AIDA: variants seen among roughly 807,000 people sequenced by gnomAD.
AIDA encodes axin interactor, dorsalization-associated protein.
A neutral mutation model predicts 42.7 loss-of-function variants in AIDA; 18 were observed. That is an observed-to-expected ratio of 0.42 (90% confidence interval 0.29 to 0.63). The LOEUF (loss-of-function observed/expected upper bound fraction) is 0.63. Among genes scored for constraint, AIDA ranks in the 20% least tolerant of loss-of-function variants. AIDA has a pLI of 0.19. For missense variants in AIDA, 250 were observed against 354.1 expected, an observed-to-expected ratio of 0.71 and a Z score of 2.36; for synonymous variants, 104 against 122.9, an observed-to-expected ratio of 0.85 and a Z score of 1.02.
chr1:222,703,591 T>C (rs368268602), intron 1 of AIDA, among the ~76,000 whole-genome samples: 15 of 152,198 alleles, frequency 9.9e-5, no homozygotes, highest in African/African-American at 3.1e-4. Flanking sequence ...CCAGTGATTA[T>C]ACCAACCAGA....
intron 1 of AIDA, among the ~76,000 whole-genome samples, chr1:222,708,857 G>C (rs894941574): frequency 2.0e-4 from 31 of 152,126 alleles, no homozygotes; most frequent in African/African-American, 6.3e-4. Flanking sequence ...TTTTAGTCTT[G>C]ACAGAATTCA....
intron 6 of AIDA, among the ~76,000 whole-genome samples, chr1:222,676,557 C>T (rs1034228026): frequency 6.6e-6 from 1 of 152,134 alleles, no homozygotes; most frequent in Non-Finnish European, 1.5e-5. Context: ...ATATAATATA[C>T]TTCTCATCTC....
chr1:222,707,480 G>A (rs985946504), intron 1 of AIDA, among the ~76,000 whole-genome samples: 10 of 152,202 alleles, frequency 6.6e-5, no homozygotes, highest in South Asian at 4.1e-4. Flanking sequence ...TTTTTAAGCC[G>A]ACATGAAAAA....
intron 2 of AIDA, among the ~76,000 whole-genome samples, chr1:222,699,466 C>T (rs1348659813): frequency 6.6e-6 from 1 of 152,270 alleles, no homozygotes; most frequent in East Asian, 1.9e-4. Flanking sequence ...TGAAGGGAGA[C>T]GGAGACTTCC....
At chr1:222,675,996 C>T (rs1664536364) in intron 7 of AIDA, 100 bp downstream of exon 7, 5 of 1,355,506 alleles carry the variant, frequency 3.7e-6, no homozygotes, top group Admixed American at 5.4e-5. Context: ...TTGTCACATA[C>T]ATAAGACTCC....
chr1:222,694,268 A>G lies in AIDA; in HGVS notation c.181-5T>C. 1 of 1,609,998 alleles carries G rather than the reference A, an allele frequency of 6.2e-7. No individual in the cohort carries two copies. The highest frequency in any genetic ancestry group is 8.5e-7 in the Non-Finnish European group (1 of 1,178,456). ...TGCAATTTTGCCTATGGTTTTCTGC[A>G]GGGGAATAAAAAAAGCTATAAATAC... On this transcript the variant is annotated splice_region_variant and splice_polypyrimidine_tract_variant and intron_variant, in intron 2 of 9. Transcript: ENST00000340020.
chr1:222,670,364 A>AC, intron 8 of AIDA, 114 bp from the exon 9 acceptor site: 1 of 803,292 alleles, frequency 1.2e-6, no homozygotes, highest in South Asian at 1.8e-5. Context: ...TAATTTGACA[A>AC]AACAACTTGT....
chr1:222,673,244 A>G (rs1664480619), intron 8 of AIDA, 69 bp downstream of exon 8: 1 of 1,437,254 alleles, frequency 7.0e-7, no homozygotes, highest in African/African-American at 1.4e-5. Flanking sequence ...TAGGTCCACC[A>G]TATGTACAAA....
At chr1:222,674,842 A>T (rs1664516599) in intron 7 of AIDA, among the ~76,000 whole-genome samples, 2 of 152,222 alleles carry the variant, frequency 1.3e-5, no homozygotes, top group South Asian at 2.1e-4. Context: ...GTTCTTAAAG[A>T]TATTTACAAA....
In AIDA at chr1:222,668,420, A is replaced by ATTT. The variant is rs1664382160; in HGVS notation, c.*1470_*1472dup. 1.1e-5 allele frequency: 1 copy of ATTT among 95,038 alleles called. No homozygotes were observed. The highest frequency in any genetic ancestry group is 2.1e-5 in the Non-Finnish European group (1 of 47,834). 5.9% of individuals were successfully genotyped at this position (95,038 alleles called of 1,614,324 possible). Reference sequence around the variant, plus strand: ...CCCTAGAGCTATTGTGGACTGAATCATTTTAGAATTTGGAATTAATCCAAT... The same window carrying ATTT: ...CCCTAGAGCTATTGTGGACTGAATCATTTTTTTAGAATTTGGAATTAATCCAAT... On this transcript the variant is annotated 3_prime_UTR_variant, in exon 10 of 10. Transcript: ENST00000340020.
intron 1 of AIDA, among the ~76,000 whole-genome samples, chr1:222,711,204 C>CAA (rs1330429934): frequency 1.3e-5 from 2 of 152,088 alleles, no homozygotes; most frequent in Admixed American, 1.3e-4. Flanking sequence ...AGTTTGCAAA[C>CAA]AATAGCATTT....
intron 6 of AIDA, among the ~76,000 whole-genome samples, chr1:222,683,990 T>C (rs564543500): frequency 2.6e-5 from 4 of 152,338 alleles, no homozygotes; most frequent in East Asian, 1.9e-4. Context: ...AAAAAACTAT[T>C]CTTGGTCATT....
chr1:222,685,584 C>T (rs1395499918), intron 6 of AIDA, among the ~76,000 whole-genome samples: 1 of 152,160 alleles, frequency 6.6e-6, no homozygotes, highest in African/African-American at 2.4e-5. Flanking sequence ...AATATTATAG[C>T]AGATTGCTAT....
chr1:222,679,168 A>G (rs1465260707), intron 6 of AIDA, among the ~76,000 whole-genome samples: 1 of 152,190 alleles, frequency 6.6e-6, no homozygotes, highest in Non-Finnish European at 1.5e-5. Flanking sequence ...CTAGGATAAT[A>G]CCACACCATT....
At chr1:222,679,130 T>C (rs17466177) in intron 6 of AIDA, among the ~76,000 whole-genome samples, 2,512 of 152,288 alleles carry the variant, frequency 0.016, 26 homozygotes, top group Non-Finnish European at 0.027. Context: ...TACTGCCTTA[T>C]ATAATATGCA....
chr1:222,690,803 G>A (rs536686033), intron 4 of AIDA, among the ~76,000 whole-genome samples: 11 of 152,054 alleles, frequency 7.2e-5, no homozygotes, highest in Non-Finnish European at 1.6e-4. Context: ...AAACCCTCCT[G>A]TGAGAAAGAA....
chr1:222,709,337 A>C (rs1655928788), intron 1 of AIDA, among the ~76,000 whole-genome samples: 3 of 152,126 alleles, frequency 2.0e-5, no homozygotes, highest in Admixed American at 1.3e-4. Context: ...AGGCTGAGGC[A>C]GGAGAATTGC....
chr1:222,708,889 T>C (rs1655916890), intron 1 of AIDA, among the ~76,000 whole-genome samples: 1 of 152,226 alleles, frequency 6.6e-6, no homozygotes, highest in Non-Finnish European at 1.5e-5. Flanking sequence ...CAATAGTATT[T>C]TGGCATCAAC....
At chr1:222,682,299 G>A (rs560056795) in intron 6 of AIDA, among the ~76,000 whole-genome samples, 1 of 152,018 alleles carries the variant, frequency 6.6e-6, no homozygotes, top group African/African-American at 2.4e-5. Flanking sequence ...AGACCAGAAC[G>A]TTAAAGAGGC....
Sources: gnomAD v4.1 joint callset for allele counts (sites outside exome capture counted in the v4.1 genomes callset) on GRCh38, gnomAD v4.1.1 for gene constraint, MANE v1.5 for transcripts, NCBI Gene and HGNC (gene_info 2026-07-23, HGNC 2026-07-21) for gene names.